The following ASB3 variants were observed in gnomAD, a reference collection of about 807,000 sequenced individuals.
ASB3 encodes ankyrin repeat and SOCS box containing 3.
In ASB3, 41 loss-of-function variants were observed where a neutral mutation model predicts 54.5. The ratio of observed to expected loss-of-function variants is 0.75; its 90% confidence interval spans 0.59 to 0.98. The LOEUF is 0.98. Among genes scored for constraint, ASB3 ranks in the 50% least tolerant of loss-of-function variants. The probability of loss-of-function intolerance (pLI) is 0.00; values close to 1 mark genes in which losing one functional copy is unlikely to be tolerated. For synonymous variants in ASB3, 266 were observed against 221.2 expected (o/e 1.20, Z -1.80); for missense variants, 733 against 620.0 (o/e 1.18, Z -1.94).
chr2:53,733,572 G>T (rs1239514607), intron 3 of ASB3, among the ~76,000 whole-genome samples: 1 of 152,028 alleles, frequency 6.6e-6, no homozygotes, highest in Non-Finnish European at 1.5e-5. Flanking sequence ...CTCCCGAGTA[G>T]CTGGGACTAC....
chr2:53,731,171 G>T (rs541701772), intron 3 of ASB3, among the ~76,000 whole-genome samples: 1 of 152,302 alleles, frequency 6.6e-6, no homozygotes, highest in African/African-American at 2.4e-5. Context: ...GGAGGCTAAG[G>T]CGGGTGGACC....
chr2:53,786,629 G>C (rs1675027086), intron 1 of ASB3, 192 bp downstream of exon 1: 1 of 152,660 alleles, frequency 6.6e-6, no homozygotes, highest in African/African-American at 2.4e-5. Flanking sequence ...CAAGAAGGCA[G>C]GTCAGTCAGG....
intron 5 of ASB3, 40 bp from the exon 6 acceptor site, chr2:53,716,783 T>C (rs1294232437): frequency 6.5e-7 from 1 of 1,535,864 alleles, no homozygotes; most frequent in Non-Finnish European, 8.8e-7. Context: ...ATAACCCTAA[T>C]ACTTAAAAAA....
chr2:53,709,597 G>C (rs541484403), intron 7 of ASB3, among the ~76,000 whole-genome samples: 2 of 152,304 alleles, frequency 1.3e-5, no homozygotes. Context: ...TAAAATGATG[G>C]CATTTCCTTG....
chr2:53,739,431 G>A (rs1030022966), intron 3 of ASB3, among the ~76,000 whole-genome samples: 1 of 152,058 alleles, frequency 6.6e-6, no homozygotes, highest in African/African-American at 2.4e-5. Context: ...ACTAGAAATA[G>A]TAAATAATGA....
chr2:53,681,274 A>C (rs1668357731), intron 9 of ASB3, among the ~76,000 whole-genome samples: 2 of 152,094 alleles, frequency 1.3e-5, no homozygotes, highest in African/African-American at 4.8e-5. Context: ...GTCTATTTTT[A>C]GTTTTTTGAG....
At chr2:53,768,145 G>C (rs986811028) in intron 1 of ASB3, 54 of 1,132,736 alleles carry the variant, frequency 4.8e-5, no homozygotes, top group Admixed American at 1.1e-4. Context: ...CACATGGCTT[G>C]GGGTAACATT....
intron 5 of ASB3, among the ~76,000 whole-genome samples, chr2:53,725,911 C>A (rs1670967637): frequency 6.6e-6 from 1 of 151,850 alleles, no homozygotes; most frequent in Admixed American, 6.6e-5. Flanking sequence ...TGAAAAGAGA[C>A]TAAGTCAAGA....
chr2:53,774,790 G>A (rs970786602), intron 1 of ASB3: 25 of 284,248 alleles, frequency 8.8e-5, no homozygotes, highest in African/African-American at 4.2e-4. Flanking sequence ...GAAGGACTCA[G>A]TTCAGTCTTG....
At chr2:53,736,479 G>A (rs56173218) in intron 3 of ASB3, among the ~76,000 whole-genome samples, 65,669 of 151,444 alleles carry the variant, frequency 0.43, 14,960 homozygotes, top group East Asian at 0.62. Flanking sequence ...CAGGCGGATC[G>A]CGAGGTCAGG....
chr2:53,722,531 T>C (rs1413954516), intron 5 of ASB3, among the ~76,000 whole-genome samples: 2 of 152,148 alleles, frequency 1.3e-5, no homozygotes, highest in Non-Finnish European at 2.9e-5. Context: ...TATATGCAAA[T>C]GAATAATTGG....
At chr2:53,685,866 G>A (rs1668605234) in intron 9 of ASB3, among the ~76,000 whole-genome samples, 1 of 152,202 alleles carries the variant, frequency 6.6e-6, no homozygotes, top group South Asian at 2.1e-4. Flanking sequence ...CTTTATGTAA[G>A]AAATGGTGGG....
intron 3 of ASB3, among the ~76,000 whole-genome samples, chr2:53,746,838 A>G (rs1672255012): frequency 6.6e-6 from 1 of 151,954 alleles, no homozygotes; most frequent in African/African-American, 2.4e-5. Context: ...TAAATACTAT[A>G]TTGGCCAGGC....
intron 7 of ASB3, among the ~76,000 whole-genome samples, chr2:53,708,689 T>A (rs964210159): frequency 6.6e-6 from 1 of 152,200 alleles, no homozygotes; most frequent in Non-Finnish European, 1.5e-5. Context: ...AGGTCTCAGA[T>A]GGAAAAGCAG....
intron 3 of ASB3, among the ~76,000 whole-genome samples, chr2:53,736,546 A>C (rs1384063766): frequency 5.9e-5 from 9 of 151,962 alleles, no homozygotes; most frequent in Non-Finnish European, 1.0e-4. Flanking sequence ...AAAATACAAA[A>C]ATATTAGCCA....
At chr2:53,738,058 C>T (rs1164258249) in intron 3 of ASB3, among the ~76,000 whole-genome samples, 3 of 152,124 alleles carry the variant, frequency 2.0e-5, no homozygotes, top group Non-Finnish European at 4.4e-5. Context: ...TTATTACAGC[C>T]TATCTTGAAT....
intron 1 of ASB3, chr2:53,774,360 A>G (rs970852057): frequency 6.2e-7 from 1 of 1,613,380 alleles, no homozygotes; most frequent in African/African-American, 1.3e-5. Context: ...TTGCTGAACA[A>G]ATTTTTAATG....
chr2:53,714,681 T>C, intron 6 of ASB3, 100 bp from the exon 7 acceptor site: 1 of 1,199,108 alleles, frequency 8.3e-7, no homozygotes, highest in South Asian at 1.5e-5. Context: ...ACCAACTGAT[T>C]CATTTAAAGA....
At chr2:53,692,779 AT>A (rs1383448791) in intron 9 of ASB3, among the ~76,000 whole-genome samples, 3 of 152,192 alleles carry the variant, frequency 2.0e-5, no homozygotes. Context: ...CTGAACAGAT[AT>A]TTGTTCTCTA....
Sources: allele counts gnomAD v4.1 joint callset (sites outside exome capture counted in the v4.1 genomes callset), GRCh38; gene constraint gnomAD v4.1.1; transcripts MANE v1.5; gene names NCBI Gene and HGNC (gene_info 2026-07-23, HGNC 2026-07-21).